The following KLF7 variants were observed in gnomAD, a reference collection of about 807,000 sequenced individuals.
KLF7 encodes Krueppel-like factor 7.
KLF7 carries 2 observed loss-of-function variants against 27.3 expected under a neutral mutation model. The observed-to-expected ratio is 0.07, with a 90% CI of 0.03 to 0.23. The LOEUF (loss-of-function observed/expected upper bound fraction) is 0.23. Ranked by LOEUF, KLF7 falls within the 10% of genes least tolerant of loss-of-function variation. KLF7 has a pLI of 1.00. For synonymous variants in KLF7, 165 were observed against 162.4 expected (o/e 1.02, Z -0.12); for missense variants, 221 against 394.1 (o/e 0.56, Z 3.72).
rs560843584 is a variant in KLF7, at chr2:207,085,299, A to G, written c.857+3159T>C. ...TTACCACTTATAAGTGGGCTGACAT[A>G]AAGATCAAAATGCACCCTCTAAACT... On this transcript the variant is annotated intron_variant, in intron 3 of 3. Transcript: ENST00000309446. Among the ~76,000 whole-genome samples, 7 of 152,208 alleles carry G rather than the reference A, an allele frequency of 4.6e-5. No individual in the cohort carries two copies. In the East Asian group the frequency reaches 1.4e-3, roughly 29 times the overall value.
intron 2 of KLF7, among the ~76,000 whole-genome samples, chr2:207,102,125 TTCACAC>T (rs1403919201): frequency 3.2e-4 from 39 of 121,308 alleles, no homozygotes; most frequent in African/African-American, 5.1e-4. Context: ...TACATTCACA[TTCACAC>T]ACACACACAC....
At chr2:207,083,795 T>C (rs921560265) in intron 3 of KLF7, among the ~76,000 whole-genome samples, 1 of 152,064 alleles carries the variant, frequency 6.6e-6, no homozygotes, top group Non-Finnish European at 1.5e-5. Context: ...TTCTTAAAAG[T>C]GGGAGAAGGA....
intron 1 of KLF7, among the ~76,000 whole-genome samples, chr2:207,140,872 C>T (rs749805264): frequency 1.3e-5 from 2 of 152,060 alleles, no homozygotes; most frequent in South Asian, 2.1e-4. Context: ...GTACCTGATC[C>T]GTCTTGGACA....
At chr2:207,165,183 G>A (rs1449210844) in intron 1 of KLF7, among the ~76,000 whole-genome samples, 1 of 152,196 alleles carries the variant, frequency 6.6e-6, no homozygotes, top group Non-Finnish European at 1.5e-5. Context: ...GTCTCTGATA[G>A]GGGACAGCAA....
At chr2:207,170,509 G>T (rs1178964828), upstream of KLF7, among the ~76,000 whole-genome samples, 1 of 152,174 alleles carries the variant, frequency 6.6e-6, no homozygotes, top group Non-Finnish European at 1.5e-5. Flanking sequence ...GAAAGAAGAT[G>T]CTCTCTAGGA....
Position 207,074,964 on chromosome 2 carries a change from T to C in KLF7, c.*6249A>G, listed in dbSNP as rs557476831. The stretch of plus-strand genomic sequence containing the variant: ...AACTTCCCAAACGAAGATAACCTAA[T>C]ACAACCTTTTGCTTTCCCTTTCTCC... On this transcript the variant is annotated 3_prime_UTR_variant, in exon 4 of 4. Coordinates refer to ENST00000309446, the MANE Select transcript of KLF7 (RefSeq NM_003709.4). 6.6e-6 allele frequency: 1 copy of C among 152,192 alleles called. No individual in the cohort carries two copies. The highest frequency in any genetic ancestry group is 1.5e-5 in the Non-Finnish European group (1 of 67,994). 9.4% of individuals were successfully genotyped at this position (152,192 alleles called of 1,614,324 possible).
At chr2:207,117,661 C>A (rs2077225606) in intron 2 of KLF7, among the ~76,000 whole-genome samples, 1 of 152,162 alleles carries the variant, frequency 6.6e-6, no homozygotes, top group Admixed American at 6.5e-5. Context: ...GGTTGATGAA[C>A]CCCCTACAGT....
In KLF7 at chr2:207,111,360, G is replaced by C. The variant is rs1307510727; in HGVS notation, c.733+12414C>G. Reference sequence around the variant, plus strand: ...TCCCAGTGCGCACAGGCCACATAAGGTTTTGAGCACAGGGTGTCCAGCTAC... The same window carrying C: ...TCCCAGTGCGCACAGGCCACATAAGCTTTTGAGCACAGGGTGTCCAGCTAC... On this transcript the variant is annotated intron_variant, in intron 2 of 3. Transcript: ENST00000309446. 3.2e-4 allele frequency among the ~76,000 whole-genome samples: 48 copies of C among 152,204 alleles called. 2 individuals are homozygous for C. Among genetic ancestry groups the C allele is most frequent in the Admixed American group, 3.1e-3 (48 of 15,274 alleles).
Position 207,088,759 on chromosome 2 carries a change from G to A in KLF7, c.734-178C>T, listed in dbSNP as rs114282675. Reference sequence around the variant, plus strand: ...TTGGGTTTTTTTTCCAAATCTCCTGGTGTTTTGTTTTTTGTTTTCTTTTTT... The same window carrying A: ...TTGGGTTTTTTTTCCAAATCTCCTGATGTTTTGTTTTTTGTTTTCTTTTTT... On this transcript the variant is annotated intron_variant, in intron 2 of 3. Coordinates refer to ENST00000309446, the MANE Select transcript of KLF7 (RefSeq NM_003709.4). Among the ~76,000 whole-genome samples the A allele has an allele frequency of 1.7e-3, 254 of 152,150 alleles. 1 individual carries two copies. The highest frequency in any genetic ancestry group is 5.7e-3 in the African/African-American group (238 of 41,502).
At chr2:207,091,640 A>C (rs1201648547) in intron 2 of KLF7, among the ~76,000 whole-genome samples, 1 of 152,276 alleles carries the variant, frequency 6.6e-6, no homozygotes, top group Non-Finnish European at 1.5e-5. Context: ...CAGAACTCAG[A>C]AATCAGAGAA....
intron 1 of KLF7, among the ~76,000 whole-genome samples, chr2:207,163,093 G>A (rs2078594501): frequency 6.6e-6 from 1 of 152,220 alleles, no homozygotes; most frequent in Admixed American, 6.5e-5. Context: ...GGGGGAAGAA[G>A]GAAGGGCTAG....
chr2:207,155,940 C>T (rs1054852180), intron 1 of KLF7, among the ~76,000 whole-genome samples: 2 of 152,226 alleles, frequency 1.3e-5, no homozygotes, highest in African/African-American at 4.8e-5. Flanking sequence ...GTTATGACCA[C>T]TCCATTGAAT....
intron 1 of KLF7, chr2:207,133,944 G>T: frequency 3.2e-6 from 2 of 624,006 alleles, no homozygotes; most frequent in Non-Finnish European, 5.2e-6. Context: ...ACAGGGAAAG[G>T]TCTGACAAGG....
intron 1 of KLF7, among the ~76,000 whole-genome samples, chr2:207,132,652 A>G (rs2077668467): frequency 6.6e-6 from 1 of 152,218 alleles, no homozygotes; most frequent in African/African-American, 2.4e-5. Context: ...TTCATCTTCC[A>G]AGGATTCCTT....
chr2:207,166,013 C>G, upstream of KLF7: 1 of 981,824 alleles, frequency 1.0e-6, no homozygotes, highest in South Asian at 4.6e-5. Flanking sequence ...GCGATCGCTT[C>G]TCTTCCCCCC....
Position 207,075,414 on chromosome 2 carries a change from A to G in KLF7, c.*5799T>C, listed in dbSNP as rs2076157373. 6.6e-6 allele frequency: 1 copy of G among 151,712 alleles called. No homozygotes were observed. Among genetic ancestry groups the G allele is most frequent in the Non-Finnish European group, 1.5e-5 (1 of 67,932 alleles). The allele number at this position is 151,712 out of a possible 1,614,324, so 9.4% of individuals were successfully genotyped here. A position where few individuals can be genotyped will look rare whatever the true frequency, so the allele number is the denominator to read the frequency against. ...AAAAAAAGGCATAACCGAGGGCTAT[A>G]AGACTGGGTACTTCTGTGATATATT... On this transcript the variant is annotated 3_prime_UTR_variant, in exon 4 of 4. Transcript: ENST00000309446.
Position 207,165,652 on chromosome 2 carries a change from C to T in KLF7, c.-84G>A. On this transcript the variant is annotated 5_prime_UTR_variant, in exon 1 of 4. In the 5' UTR this introduces an upstream ATG that the reference lacks. Coordinates refer to ENST00000309446, the MANE Select transcript of KLF7 (RefSeq NM_003709.4). Reference sequence around the variant, plus strand: ...TTTGTTTGTCAGTCTGTCTGGCTCACCCCCCAAGAAGGCAGACATCCAGTG... The same window carrying T: ...TTTGTTTGTCAGTCTGTCTGGCTCATCCCCCAAGAAGGCAGACATCCAGTG... 6.3e-7 allele frequency: 1 copy of T among 1,588,884 alleles called. No individual in the cohort carries two copies. Among genetic ancestry groups the T allele is most frequent in the South Asian group, 1.1e-5 (1 of 89,340 alleles).
At position 207,135,722 on chromosome 2, in the gene KLF7, G is replaced by A. The variant is rs190896607; in HGVS notation, c.103-11318C>T. 3.0e-3 allele frequency among the ~76,000 whole-genome samples: 452 copies of A among 152,168 alleles called. 6 individuals are homozygous for A. Among genetic ancestry groups the A allele is most frequent in the African/African-American group, 0.011 (437 of 41,490 alleles). ...TCACCAAAGGAACATCAGAAGCAGT[G>A]TGCATGTGTTTATTACCAACATTTC... On this transcript the variant is annotated intron_variant, in intron 1 of 3. Coordinates refer to ENST00000309446, the MANE Select transcript of KLF7 (RefSeq NM_003709.4).
chr2:207,156,096 C>G (rs941675627), intron 1 of KLF7, among the ~76,000 whole-genome samples: 2 of 15,052 alleles, frequency 1.3e-4, no homozygotes, highest in Non-Finnish European at 4.9e-3. Flanking sequence ...ACCCTGAGCT[C>G]TGAGCTCCTC....
Sources: allele counts gnomAD v4.1 joint callset (sites outside exome capture counted in the v4.1 genomes callset), GRCh38; gene constraint gnomAD v4.1.1; transcripts MANE v1.5; gene names NCBI Gene and HGNC (gene_info 2026-07-23, HGNC 2026-07-21).